GALNT2: variants seen among roughly 807,000 people sequenced by gnomAD.
GALNT2 encodes the protein UDP-GalNAc:polypeptide N-acetylgalactosaminyltransferase 2.
In GALNT2, 31 loss-of-function variants were observed where a neutral mutation model predicts 81.4. That is an observed-to-expected ratio of 0.38 (90% CI 0.29 to 0.51). The LOEUF (loss-of-function observed/expected upper bound fraction) is 0.51. Among genes scored for constraint, GALNT2 ranks in the 20% least tolerant of loss-of-function variants. GALNT2 has a pLI of 0.87. For missense variants in GALNT2, 629 were observed against 765.7 expected, an observed-to-expected ratio of 0.82 and a Z score of 2.11; for synonymous variants, 303 against 287.4, an observed-to-expected ratio of 1.05 and a Z score of -0.55.
intron 9 of GALNT2, among the ~76,000 whole-genome samples, chr1:230,249,933 G>A (rs1665491459): frequency 6.6e-6 from 1 of 152,238 alleles, no homozygotes; most frequent in African/African-American, 2.4e-5. Flanking sequence ...AGGGAGCTCA[G>A]TGTACATCTG....
intron 2 of GALNT2, among the ~76,000 whole-genome samples, chr1:230,196,215 T>C (rs1245503469): frequency 1.3e-5 from 2 of 152,242 alleles, no homozygotes; most frequent in African/African-American, 4.8e-5. Context: ...CTTCTGTCTC[T>C]GGGTGTCTTC....
At chr1:230,104,643 C>T (rs185852083) in intron 1 of GALNT2, among the ~76,000 whole-genome samples, 4 of 152,322 alleles carry the variant, frequency 2.6e-5, no homozygotes, top group Admixed American at 2.0e-4. Context: ...GCGTAATTCA[C>T]CAGCTCACAG....
At chr1:230,235,720 A>G (rs1021817628) in intron 3 of GALNT2, among the ~76,000 whole-genome samples, 1 of 152,134 alleles carries the variant, frequency 6.6e-6, no homozygotes, top group Non-Finnish European at 1.5e-5. Context: ...GAGAGTAGAA[A>G]TGGGATTTCA....
At chr1:230,230,296 C>G (rs1277153304) in intron 3 of GALNT2, among the ~76,000 whole-genome samples, 1 of 151,960 alleles carries the variant, frequency 6.6e-6, no homozygotes, top group African/African-American at 2.4e-5. Flanking sequence ...ACTCAATTTA[C>G]AAATCGAATG....
chr1:230,204,070 T>G (rs1408109475), intron 3 of GALNT2, among the ~76,000 whole-genome samples: 3 of 152,210 alleles, frequency 2.0e-5, no homozygotes, highest in African/African-American at 7.2e-5. Flanking sequence ...TTTGAACTCC[T>G]GGCCTTAAGT....
rs1054010407 is a variant in GALNT2 at position 230,275,624 on chromosome 1, CAT to C, written c.1560+1068_1560+1069del. On this transcript the variant is annotated intron_variant, in intron 15 of 15. Transcript: ENST00000366672. This position sits in a 1 kb window ranked among gnomAD's most constrained non-coding sequence, Gnocchi z 5.5. ...ACATGCTACATTTATATAAACACCA[CAT>C]ATATATACGCCACATAGATATACAA... is the stretch of plus-strand genomic sequence containing the variant. Among the ~76,000 whole-genome samples, 4 of 151,126 alleles carry C rather than the reference CAT, an allele frequency of 2.6e-5. No homozygotes were observed. The highest frequency in any genetic ancestry group is 4.9e-5 in the African/African-American group (2 of 41,044).
At chr1:230,221,985 C>T (rs1057377462) in intron 3 of GALNT2, among the ~76,000 whole-genome samples, 2 of 148,022 alleles carry the variant, frequency 1.4e-5, no homozygotes, top group African/African-American at 2.5e-5. Flanking sequence ...TCTTTTCATC[C>T]TTGACATCAA....
upstream of GALNT2, among the ~76,000 whole-genome samples, chr1:230,066,554 C>T (rs555475398): frequency 6.6e-6 from 1 of 152,300 alleles, no homozygotes; most frequent in East Asian, 1.9e-4. Context: ...TAAATAAAAT[C>T]GATACCAGCG....
intron 3 of GALNT2, among the ~76,000 whole-genome samples, chr1:230,228,054 C>T (rs2760539): frequency 1 from 152,217 of 152,262 alleles, 76,086 homozygotes; most frequent in Middle Eastern, 1. Flanking sequence ...GTATCAGTAA[C>T]GGCCAATTCA....
intron 2 of GALNT2, among the ~76,000 whole-genome samples, chr1:230,189,923 T>C (rs1663462614): frequency 6.6e-6 from 1 of 152,242 alleles, no homozygotes; most frequent in Non-Finnish European, 1.5e-5. Flanking sequence ...CTTGTTCACT[T>C]AGCATAACTC....
At chr1:230,175,283 G>A (rs543624973) in intron 1 of GALNT2, among the ~76,000 whole-genome samples, 1 of 152,304 alleles carries the variant, frequency 6.6e-6, no homozygotes, top group Admixed American at 6.5e-5. Context: ...TTAGTTGAGG[G>A]AGGGAGGAAG....
At chr1:230,107,253 G>C (rs1272310221) in intron 1 of GALNT2, among the ~76,000 whole-genome samples, 1 of 152,220 alleles carries the variant, frequency 6.6e-6, no homozygotes, top group East Asian at 1.9e-4. Flanking sequence ...TACACAGACT[G>C]GGAGGGATTC....
chr1:230,091,232 AT>A (rs1195009077), intron 1 of GALNT2, among the ~76,000 whole-genome samples: 2 of 126,488 alleles, frequency 1.6e-5, no homozygotes, highest in Non-Finnish European at 3.4e-5. Context: ...CCACATACTA[AT>A]TTTTTGTATT....
intron 1 of GALNT2, among the ~76,000 whole-genome samples, chr1:230,068,337 CGCCGGCCGGGA>C (rs1434447257): frequency 6.6e-6 from 1 of 152,220 alleles, no homozygotes; most frequent in Non-Finnish European, 1.5e-5. Context: ...TGCGGCCGAG[CGCCGGCCGGGA>C]GAGCAGGGCG....
rs571092956 is a variant in GALNT2 at position 230,251,341 on chromosome 1, G to A, written c.1009+781G>A. Among the ~76,000 whole-genome samples, 12 of 152,234 alleles carry A rather than the reference G, an allele frequency of 7.9e-5. No homozygotes were observed. In the East Asian group the frequency reaches 2.3e-3, roughly 29 times the overall value. ...CCCTGGAGGACAGGGGAGAAGGAAAGGGGAAAATGAGGCCACTCATTTTTA... is the reference window on the plus strand; with the variant it reads ...CCCTGGAGGACAGGGGAGAAGGAAAAGGGAAAATGAGGCCACTCATTTTTA... On this transcript the variant is annotated intron_variant, in intron 10 of 15. Coordinates refer to ENST00000366672, the MANE Select transcript of GALNT2 (RefSeq NM_004481.5).
chr1:230,079,141 A>G (rs934618468), intron 1 of GALNT2, among the ~76,000 whole-genome samples: 3 of 152,234 alleles, frequency 2.0e-5, no homozygotes, highest in Non-Finnish European at 2.9e-5. Context: ...CCGTTAATAA[A>G]TATGTGTTAG....
At chr1:230,200,775 C>T (rs570082186) in intron 2 of GALNT2, among the ~76,000 whole-genome samples, 71 of 152,326 alleles carry the variant, frequency 4.7e-4, no homozygotes, top group Middle Eastern at 3.4e-3. Context: ...AGCAGAGTTA[C>T]ATGGTAGGAT....
intron 1 of GALNT2, among the ~76,000 whole-genome samples, chr1:230,075,729 C>T (rs887494051): frequency 3.9e-5 from 6 of 152,056 alleles, no homozygotes; most frequent in African/African-American, 9.7e-5. Flanking sequence ...TCAGTTACGT[C>T]GTGTGCAGAA....
Position 230,275,657 on chromosome 1 carries a change from A to G in GALNT2, c.1560+1093A>G, listed in dbSNP as rs1666279090. ...TACGCCACATAGATATACAAGCACA[A>G]CATATATACATGCCACATGTATACA... On this transcript the variant is annotated intron_variant, in intron 15 of 15. Transcript: ENST00000366672. The surrounding 1 kb of genome is among the most constrained non-coding windows in gnomAD (Gnocchi z 5.5). Among the ~76,000 whole-genome samples, 1 of 150,980 alleles carries G rather than the reference A, an allele frequency of 6.6e-6. No individual in the cohort carries two copies. The highest frequency in any genetic ancestry group is 2.4e-5 in the African/African-American group (1 of 40,888).
Sources: gnomAD v4.1 joint callset for allele counts (sites outside exome capture counted in the v4.1 genomes callset) on GRCh38, gnomAD v4.1.1 for gene constraint, Gnocchi (gnomAD v3.1) non-coding constraint, MANE v1.5 for transcripts, NCBI Gene and HGNC (gene_info 2026-07-23, HGNC 2026-07-21) for gene names.